Variants in ARHGAP32 observed in about 807,000 individuals in gnomAD.
The protein encoded by ARHGAP32 is rho GTPase-activating protein 32.
In ARHGAP32, 51 loss-of-function variants were observed where a neutral mutation model predicts 186.5. The ratio of observed to expected loss-of-function variants is 0.27; its 90% CI spans 0.22 to 0.35. ARHGAP32 has a LOEUF of 0.35. ARHGAP32 is among the 10% of genes least tolerant of loss of function. The pLI is 1.00. For synonymous variants in ARHGAP32, 950 were observed against 964.3 expected (o/e 0.99, Z 0.27); for missense variants, 2,186 against 2,623.5 (o/e 0.83, Z 3.64).
chr11:129,086,601 C>A (rs943743735), intron 6 of ARHGAP32, among the ~76,000 whole-genome samples: 8 of 152,070 alleles, frequency 5.3e-5, no homozygotes, highest in Non-Finnish European at 5.9e-5. Context: ...GCGGGCGGAT[C>A]ACAAGGTCAG....
Position 128,970,414 on chromosome 11 carries a change from A to G in ARHGAP32, c.4799T>C (p.Leu1600Pro). ...PYPTIRRVQS[L>P]HAPPSSMIRS... ...AATCATGGAAGACGGCGGAGCATGG[A>G]GAGACTGCACTCTCCGGATGGTAGG... The change falls in exon 23 of 23, where the codon CTC becomes CCC. Residue 1600 changes from leucine (L) to proline (P), a missense_variant. Transcript: ENST00000682385. The surrounding 1 kb of genome is among the most constrained non-coding windows in gnomAD (Gnocchi z 5.8). The G allele has an allele frequency of 6.2e-7, 1 of 1,614,082 alleles. No homozygotes were observed. Among genetic ancestry groups the G allele is most frequent in the Non-Finnish European group, 8.5e-7 (1 of 1,180,014 alleles).
intron 1 of ARHGAP32, among the ~76,000 whole-genome samples, chr11:129,217,928 T>C (rs1376942884): frequency 6.6e-6 from 1 of 152,144 alleles, no homozygotes; most frequent in African/African-American, 2.4e-5. Context: ...TCAATTTTCT[T>C]ACCTGCAAAA....
At chr11:129,161,124 C>A (rs1009518858) in intron 2 of ARHGAP32, among the ~76,000 whole-genome samples, 2 of 151,946 alleles carry the variant, frequency 1.3e-5, no homozygotes, top group East Asian at 3.9e-4. Flanking sequence ...GAAACTGGAC[C>A]CCTTCTTACA....
chr11:129,248,579 T>C (rs934833169), intron 1 of ARHGAP32, among the ~76,000 whole-genome samples: 11 of 152,202 alleles, frequency 7.2e-5, no homozygotes, highest in Admixed American at 7.2e-4. Context: ...TCCAACCTTT[T>C]GATTATTCTT....
intron 11 of ARHGAP32, among the ~76,000 whole-genome samples, chr11:129,030,241 G>T (rs1939054218): frequency 1.3e-5 from 2 of 152,074 alleles, no homozygotes; most frequent in African/African-American, 4.8e-5. Flanking sequence ...TAAATGTGTG[G>T]TCACTTCTTA....
chr11:129,164,275 T>C (rs765729356), intron 2 of ARHGAP32, 44 bp downstream of exon 2: 1 of 1,178,280 alleles, frequency 8.5e-7, no homozygotes, highest in East Asian at 2.6e-5. Context: ...GTGCTATATA[T>C]ACATATATAT....
In ARHGAP32 at chr11:128,974,456, C is replaced by T; in HGVS notation, c.2741G>A (p.Ser914Asn). The T allele has an allele frequency of 1.9e-6, 3 of 1,614,182 alleles. No homozygotes were observed. Among genetic ancestry groups the T allele is most frequent in the African/African-American group, 2.7e-5 (2 of 75,042 alleles). Residue 914 changes from serine (S) to asparagine (N), a missense_variant, in exon 21 of 23, where the codon AGC becomes AAC. By Grantham distance (46) the Ser-to-Asn change is conservative. Transcript: ENST00000682385. The part of the protein sequence containing the change: ...AFSPKIGRKL[S>N]KSPSMSISEP... ...AGATATGCTCATAGAAGGTGATTTG[C>T]TTAATTTCCGTCCTATCTTCGGAGA...
intron 1 of ARHGAP32, among the ~76,000 whole-genome samples, chr11:129,249,983 C>T (rs376024707): frequency 2.0e-5 from 3 of 151,444 alleles, no homozygotes; most frequent in Non-Finnish European, 2.9e-5. Context: ...GAGGCTGATG[C>T]GGGAGGACCA....
chr11:129,227,687 T>C (rs1194413271), intron 1 of ARHGAP32, among the ~76,000 whole-genome samples: 1 of 152,098 alleles, frequency 6.6e-6, no homozygotes, highest in African/African-American at 2.4e-5. Flanking sequence ...AGGGATACTT[T>C]AGAATGATAG....
Position 128,968,904 on chromosome 11 carries a change from G to A in ARHGAP32, c.*3C>T, listed in dbSNP as rs1945277458. 1 of 1,493,376 alleles carries A rather than the reference G, an allele frequency of 6.7e-7. No individual in the cohort carries two copies. Among genetic ancestry groups the A allele is most frequent in the African/African-American group, 1.4e-5 (1 of 71,994 alleles). The allele number at this position is 1,493,376 out of a possible 1,614,324, so 92.5% of individuals were successfully genotyped here. ...GCTGCTTCAACTCTATTGCTCGCAG[G>A]GCTCATTCTGCATGGATCTGTGTTT... On this transcript the variant is annotated 3_prime_UTR_variant, in exon 23 of 23. Coordinates refer to ENST00000682385, the MANE Select transcript of ARHGAP32 (RefSeq NM_001378024.1).
At position 128,965,723 on chromosome 11, in the gene ARHGAP32, G is replaced by C. The variant is rs1293532796; in HGVS notation, c.*3184C>G. 6.6e-6 allele frequency: 1 copy of C among 152,136 alleles called. No individual in the cohort carries two copies. Among genetic ancestry groups the C allele is most frequent in the Non-Finnish European group, 1.5e-5 (1 of 68,028 alleles). The allele number at this position is 152,136 out of a possible 1,614,324, so 9.4% of individuals were successfully genotyped here. A position where few individuals can be genotyped will look rare whatever the true frequency, so the allele number is the denominator to read the frequency against. On this transcript the variant is annotated 3_prime_UTR_variant, in exon 23 of 23. Transcript: ENST00000682385. ...ACACATTCTGCTCAAGCAGTACTTT[G>C]CCAACATCCTAAATGGGTGACTGAC... is the stretch of plus-strand genomic sequence containing the variant.
At chr11:129,193,971 ACTCAGAG>A (rs1944356907), upstream of ARHGAP32, among the ~76,000 whole-genome samples, 1 of 151,300 alleles carries the variant, frequency 6.6e-6, no homozygotes, top group Non-Finnish European at 1.5e-5. Context: ...AAAATATAAT[ACTCAGAG>A]ATAAACATAA....
At chr11:129,245,961 A>G (rs1565479424) in intron 1 of ARHGAP32, among the ~76,000 whole-genome samples, 1 of 152,186 alleles carries the variant, frequency 6.6e-6, no homozygotes, top group Non-Finnish European at 1.5e-5. Context: ...CTTAACCTAC[A>G]AAGATATTCA....
intron 11 of ARHGAP32, among the ~76,000 whole-genome samples, chr11:129,022,045 T>C (rs1938617893): frequency 6.6e-6 from 1 of 152,090 alleles, no homozygotes; most frequent in Non-Finnish European, 1.5e-5. Flanking sequence ...GATGAACTAG[T>C]ACTACTTGAT....
chr11:129,109,940 T>G (rs189859022), intron 5 of ARHGAP32, among the ~76,000 whole-genome samples: 43 of 152,248 alleles, frequency 2.8e-4, no homozygotes, highest in African/African-American at 9.9e-4. Context: ...TGCAAAAGGT[T>G]CTTAGTTTAA....
chr11:128,982,474 CGTGTGTGT>C (rs60379183), intron 15 of ARHGAP32, among the ~76,000 whole-genome samples: 8 of 147,474 alleles, frequency 5.4e-5, no homozygotes, highest in African/African-American at 1.5e-4. Flanking sequence ...AGGTAAGTGC[CGTGTGTGT>C]GTGTGTGTGT....
chr11:129,160,615 T>A (rs1943509368), intron 2 of ARHGAP32, among the ~76,000 whole-genome samples: 1 of 152,072 alleles, frequency 6.6e-6, no homozygotes, highest in Non-Finnish European at 1.5e-5. Context: ...ATGAAGGACC[T>A]CTTCAAGGAG....
chr11:129,093,524 T>C (rs940809094), intron 6 of ARHGAP32, 97 bp downstream of exon 6: 19 of 820,130 alleles, frequency 2.3e-5, no homozygotes, highest in Non-Finnish European at 3.8e-5. Context: ...CTGTGGATTA[T>C]ATCCTTTAGG....
intron 2 of ARHGAP32, among the ~76,000 whole-genome samples, chr11:129,159,779 T>A (rs1240168599): frequency 1.3e-5 from 2 of 152,050 alleles, no homozygotes; most frequent in Admixed American, 1.3e-4. Flanking sequence ...AAAACTAAAT[T>A]TCAGGCCAAT....
Sources: allele counts gnomAD v4.1 joint callset (sites outside exome capture counted in the v4.1 genomes callset), GRCh38; gene constraint gnomAD v4.1.1; non-coding constraint Gnocchi (gnomAD v3.1); transcripts MANE v1.5; gene names NCBI Gene and HGNC (gene_info 2026-07-23, HGNC 2026-07-21).